RABGAP1: variants seen among roughly 807,000 people sequenced by gnomAD.
RABGAP1 encodes RAB GTPase activating protein 1.
RABGAP1 carries 23 observed loss-of-function variants against 137.6 expected under a neutral mutation model. That is an observed-to-expected ratio of 0.17 (90% CI 0.12 to 0.24). The LOEUF (loss-of-function observed/expected upper bound fraction) is 0.24, where lower values mean the gene tolerates loss of function less well. RABGAP1 is among the 10% of genes least tolerant of loss of function. The pLI, the probability that RABGAP1 is intolerant of heterozygous loss-of-function variation, is 1.00. For missense variants in RABGAP1, 906 were observed against 1,275.8 expected (o/e 0.71, Z 4.42); for synonymous variants, 451 against 450.7 (o/e 1.00, Z -0.01).
chr9:123,044,626 C>CGTGT (rs68089109), intron 13 of RABGAP1, among the ~76,000 whole-genome samples: 1,913 of 149,058 alleles, frequency 0.013, 22 homozygotes, highest in Admixed American at 0.049. Context: ...AACACACGTA[C>CGTGT]GTGTGTGTGT....
intron 1 of RABGAP1, among the ~76,000 whole-genome samples, chr9:122,948,331 G>T (rs189021113): frequency 2.4e-4 from 36 of 152,190 alleles, no homozygotes; most frequent in Non-Finnish European, 4.1e-4. Context: ...TAGGGACATC[G>T]AGAGGGAGAG....
chr9:123,042,426 CAGAA>C (rs1246442831), intron 13 of RABGAP1, among the ~76,000 whole-genome samples: 1 of 151,980 alleles, frequency 6.6e-6, no homozygotes, highest in African/African-American at 2.4e-5. Context: ...TCAGAAGAAA[CAGAA>C]AGAATATAGG....
At chr9:122,989,875 C>T in intron 5 of RABGAP1, 181 bp from the exon 6 acceptor site, 2 of 619,788 alleles carry the variant, frequency 3.2e-6, no homozygotes, top group South Asian at 2.8e-5. Flanking sequence ...TTTTTAAAAC[C>T]CCTTGTCTGG....
intron 13 of RABGAP1, among the ~76,000 whole-genome samples, chr9:123,029,142 A>G (rs112552909): frequency 3.9e-5 from 6 of 152,268 alleles, no homozygotes; most frequent in African/African-American, 1.4e-4. Flanking sequence ...AGAGGATTTC[A>G]GAGGTAGAGT....
At chr9:123,051,958 A>ATTT (rs58591585) in intron 13 of RABGAP1, among the ~76,000 whole-genome samples, 33 of 130,672 alleles carry the variant, frequency 2.5e-4, no homozygotes, top group Non-Finnish European at 4.6e-4. Flanking sequence ...CGCCCGGCTA[A>ATTT]TTTTTTTTTT....
chr9:123,019,306 C>T (rs2031455276), intron 12 of RABGAP1, among the ~76,000 whole-genome samples: 1 of 152,102 alleles, frequency 6.6e-6, no homozygotes, highest in Non-Finnish European at 1.5e-5. Context: ...TAACTTAGAA[C>T]ATATAAATAT....
At chr9:122,995,912 C>CT (rs1836998938) in intron 6 of RABGAP1, 129 bp from the exon 7 acceptor site, 4 of 1,426,770 alleles carry the variant, frequency 2.8e-6, no homozygotes, top group Non-Finnish European at 2.7e-6. Flanking sequence ...TGATTTTTTT[C>CT]TTTTTTGTTA....
At chr9:123,060,100 A>G (rs1374350955) in intron 13 of RABGAP1, among the ~76,000 whole-genome samples, 2 of 152,230 alleles carry the variant, frequency 1.3e-5, no homozygotes, top group Admixed American at 1.3e-4. Flanking sequence ...CTGTTGAGAA[A>G]TGTTGGTGGA....
intron 12 of RABGAP1, 26 bp from the exon 13 acceptor site, chr9:123,020,283 T>G: frequency 6.9e-7 from 1 of 1,459,662 alleles, no homozygotes; most frequent in Non-Finnish European, 9.2e-7. Context: ...CCTTTTATGA[T>G]TTATGGTTTA....
Position 122,955,303 on chromosome 9 carries a change from T to TTGGGGCA in RABGAP1, c.-49-1707_-49-1701dup, listed in dbSNP as rs1424180782. The stretch of plus-strand genomic sequence containing the variant: ...TCTGTTCTCTACTAAACTATAAACT[T>TTGGGGCA]TGGGGCAAGGTTCTATTTTCTTTTG... On this transcript the variant is annotated intron_variant, in intron 1 of 25. Transcript: ENST00000373647. Among the ~76,000 whole-genome samples the TTGGGGCA allele has an allele frequency of 1.4e-4, 21 of 152,202 alleles. 1 individual carries two copies. Among genetic ancestry groups the TTGGGGCA allele is most frequent in the South Asian group, 4.1e-4 (2 of 4,834 alleles).
intron 13 of RABGAP1, among the ~76,000 whole-genome samples, chr9:123,058,010 C>A (rs2033807432): frequency 7.3e-6 from 1 of 136,218 alleles, no homozygotes; most frequent in African/African-American, 2.7e-5. Flanking sequence ...GCAGCACAGT[C>A]CAGCCTCGGC....
chr9:122,989,304 G>T lies in RABGAP1; in HGVS notation c.598G>T (p.Asp200Tyr). 1 of 1,612,306 alleles carries T rather than the reference G, an allele frequency of 6.2e-7. No homozygotes were observed. The highest frequency in any genetic ancestry group is 8.5e-7 in the Non-Finnish European group (1 of 1,178,728). The change falls in exon 5 of 26, where the codon GAT (aspartate) becomes TAT (tyrosine). Residue 200 changes from aspartate (D) to tyrosine (Y), a missense_variant. By Grantham distance (160) the Asp-to-Tyr change is radical (BLOSUM62 -3). Around this residue, in one of 9 missense-constraint regions of RABGAP1, gnomAD observed 331 missense variants for 358.3 expected, o/e 0.92. Transcript: ENST00000373647. ...NVSEGIVRLLDPQTNTEIANY... is the reference protein window; with the variant it reads ...NVSEGIVRLLYPQTNTEIANY... ...ATCTTTTTCTCTGAACAGACTCTTA[G>T]ATCCTCAGACAAACACTGAAATAGC...
In RABGAP1 at chr9:122,988,814, A is replaced by G; in HGVS notation, c.591-483A>G. On this transcript the variant is annotated intron_variant, in intron 4 of 25. Transcript: ENST00000373647. ...AAAAATTAGCCGGGCATGGTGGCAC[A>G]TCCCTGTAATCCCAGCTACTTGGGA... Among the ~76,000 whole-genome samples the G allele has an allele frequency of 1.3e-5, 2 of 151,858 alleles. 1 individual carries two copies. Among genetic ancestry groups the G allele is most frequent in the Non-Finnish European group, 2.9e-5 (2 of 67,928 alleles).
chr9:122,957,320 T>C lies in RABGAP1; in HGVS notation c.150+111T>C, dbSNP rs937429690. ...GGAAAGTGAGAACATGGAAGTAATA[T>C]ACTTCTTTTTCTTTAAAGAATTTTA... On this transcript the variant is annotated intron_variant, in intron 2 of 25. Coordinates refer to ENST00000373647, the MANE Select transcript of RABGAP1 (RefSeq NM_012197.4). 7 of 825,618 alleles carry C rather than the reference T, an allele frequency of 8.5e-6. No homozygotes were observed. In the African/African-American group the frequency reaches 1.2e-4, roughly 14 times the overall value. 51.1% of individuals were successfully genotyped at this position (825,618 alleles called of 1,614,324 possible).
intron 1 of RABGAP1, chr9:122,945,517 A>G (rs1833902117): frequency 6.6e-6 from 1 of 152,176 alleles, no homozygotes; most frequent in South Asian, 2.1e-4. Context: ...ACAGTGAAAT[A>G]AAGCCCTAAA....
intron 1 of RABGAP1, among the ~76,000 whole-genome samples, chr9:122,942,669 C>CAAA (rs10660327): frequency 0.018 from 1,585 of 90,292 alleles, 135 homozygotes; most frequent in South Asian, 0.059. Context: ...GACTCCGTCT[C>CAAA]AAAAAAAAAA....
chr9:123,024,627 A>G (rs2031849006), intron 13 of RABGAP1, among the ~76,000 whole-genome samples: 1 of 151,992 alleles, frequency 6.6e-6, no homozygotes. Flanking sequence ...TTTAGTAGAT[A>G]CTAAGTTTCA....
At chr9:123,074,822 T>C (rs2034462984) in intron 17 of RABGAP1, among the ~76,000 whole-genome samples, 1 of 152,202 alleles carries the variant, frequency 6.6e-6, no homozygotes, top group Admixed American at 6.5e-5. Context: ...CATTATATCA[T>C]ATTCAAGCCA....
chr9:123,085,820 A>G (rs926559439), intron 19 of RABGAP1, among the ~76,000 whole-genome samples: 3 of 152,216 alleles, frequency 2.0e-5, no homozygotes, highest in South Asian at 2.1e-4. Context: ...GTTGGCACCT[A>G]TATATATCTT....
Sources: gnomAD v4.1 joint callset for allele counts (sites outside exome capture counted in the v4.1 genomes callset) on GRCh38, gnomAD v4.1.1 for gene constraint, gnomAD v4.1.1 regional missense constraint, MANE v1.5 for transcripts, NCBI Gene and HGNC (gene_info 2026-07-23, HGNC 2026-07-21) for gene names.